CLUL1: variants seen among roughly 807,000 people sequenced by gnomAD.
CLUL1 encodes the protein clusterin like 1.
Under a neutral mutation model 49.4 loss-of-function variants are expected in CLUL1, and 43 were observed. The ratio of observed to expected loss-of-function variants is 0.87; its 90% confidence interval spans 0.68 to 1.12. The LOEUF is 1.12. Among genes scored for constraint, CLUL1 ranks in the 50% most tolerant of loss-of-function variants. CLUL1 has a pLI of 0.00. For synonymous variants in CLUL1, 192 were observed against 184.9 expected (o/e 1.04, Z -0.31); for missense variants, 486 against 544.4 (o/e 0.89, Z 1.07).
intron 9 of CLUL1, among the ~76,000 whole-genome samples, chr18:645,602 T>C (rs1020209958): frequency 4.6e-5 from 7 of 151,038 alleles, no homozygotes; most frequent in Admixed American, 1.3e-4. Context: ...GAGACCATCC[T>C]GGATAACACG....
rs1363248909 is a variant in CLUL1, at chr18:645,807, A to T, written c.1397+710A>T. Among the ~76,000 whole-genome samples, 4 of 69,164 alleles carry T rather than the reference A, an allele frequency of 5.8e-5. 1 individual carries two copies. In the South Asian group the frequency reaches 1.6e-3, roughly 28 times the overall value. 45.4% of individuals were successfully genotyped at this position (69,164 alleles called of 152,430 possible). ...AGACTCTGTTTAAAAAAAAAAAAAA[A>T]AAAATATATATATATATATATATAT... is the stretch of plus-strand genomic sequence containing the variant. On this transcript the variant is annotated intron_variant, in intron 9 of 9. Coordinates refer to ENST00000692774, the MANE Select transcript of CLUL1 (RefSeq NM_001393344.1).
chr18:616,500 C>T (rs2073296268), intron 2 of CLUL1, among the ~76,000 whole-genome samples: 1 of 152,122 alleles, frequency 6.6e-6, no homozygotes, highest in African/African-American at 2.4e-5. Context: ...TATCAAAACA[C>T]ATTTGTATAT....
chr18:598,346 G>A (rs1361897477), intron 1 of CLUL1: 2 of 389,380 alleles, frequency 5.1e-6, no homozygotes, highest in Non-Finnish European at 9.1e-6. Context: ...GTTTTTCCAG[G>A]TCCCTCAAAC....
At chr18:633,184 C>T in intron 6 of CLUL1, 114 bp from the exon 7 acceptor site, 2 of 771,466 alleles carry the variant, frequency 2.6e-6, no homozygotes, top group Non-Finnish European at 4.1e-6. Flanking sequence ...TACATACATA[C>T]ATATAGGAAA....
chr18:609,220 G>A (rs2073064154), intron 2 of CLUL1, among the ~76,000 whole-genome samples: 2 of 152,178 alleles, frequency 1.3e-5, no homozygotes, highest in South Asian at 2.1e-4. Flanking sequence ...CCATCAGGAA[G>A]CAAGGTGTCC....
chr18:612,053 C>T (rs2073150096), intron 2 of CLUL1, among the ~76,000 whole-genome samples: 2 of 152,196 alleles, frequency 1.3e-5, no homozygotes, highest in Admixed American at 6.5e-5. Flanking sequence ...TTCCAAATCT[C>T]ACCACTTCTC....
chr18:640,863 T>A (rs1045734294), intron 7 of CLUL1, among the ~76,000 whole-genome samples: 1 of 152,188 alleles, frequency 6.6e-6, no homozygotes, highest in African/African-American at 2.4e-5. Context: ...CACTATTTAC[T>A]ATACACTTTT....
intron 2 of CLUL1, among the ~76,000 whole-genome samples, chr18:614,334 G>GGGAAGGAAGGAAGGAAGGAAAGAA (rs55742414): frequency 2.1e-5 from 3 of 145,958 alleles, no homozygotes; most frequent in Non-Finnish European, 4.5e-5. Context: ...AAGGAAGGGA[G>GGGAAGGAAGGAAGGAAGGAAAGAA]GGAAGGAAGG....
At chr18:625,517 TAA>T (rs1491411337) in intron 5 of CLUL1, among the ~76,000 whole-genome samples, 1 of 73,336 alleles carries the variant, frequency 1.4e-5, no homozygotes, top group African/African-American at 5.1e-5. Flanking sequence ...TCCTTATGCA[TAA>T]CACACACACA....
At chr18:608,001 C>G (rs1411891392) in intron 2 of CLUL1, among the ~76,000 whole-genome samples, 1 of 152,158 alleles carries the variant, frequency 6.6e-6, no homozygotes, top group African/African-American at 2.4e-5. Context: ...GAGCAGTCAT[C>G]AGTTGCACAG....
chr18:616,711 G>A (rs2073303173), intron 2 of CLUL1: 1 of 983,888 alleles, frequency 1.0e-6, no homozygotes, highest in Non-Finnish European at 1.2e-6. Flanking sequence ...GAAAAACGAA[G>A]GTCCTTCCAG....
chr18:625,152 C>A, intron 5 of CLUL1, 120 bp downstream of exon 5: 1 of 980,288 alleles, frequency 1.0e-6, no homozygotes, highest in Non-Finnish European at 1.5e-6. Context: ...GGGCCTTTTG[C>A]TTTCTAGAAT....
At chr18:623,623 C>T (rs1307403003) in intron 4 of CLUL1, among the ~76,000 whole-genome samples, 3 of 121,332 alleles carry the variant, frequency 2.5e-5, no homozygotes, top group Non-Finnish European at 4.8e-5. Context: ...CCAGCCTGGG[C>T]GACACAGCCA....
At chr18:637,177 G>A (rs995159792) in intron 7 of CLUL1, among the ~76,000 whole-genome samples, 6 of 151,630 alleles carry the variant, frequency 4.0e-5, no homozygotes, top group African/African-American at 9.7e-5. Flanking sequence ...TAGTAGAGAC[G>A]GGGTTTCACC....
Position 624,918 on chromosome 18 carries a change from G to T in CLUL1, c.309G>T (p.Arg103Ser), listed in dbSNP as rs768530534. Residue 103 changes from arginine (R) to serine (S), a missense_variant, in exon 5 of 10, where the codon AGG (arginine) becomes AGT (serine). Coordinates refer to ENST00000692774, the MANE Select transcript of CLUL1 (RefSeq NM_001393344.1). ...EVQEHLEEEERLCRESLADSW... is the reference protein window; with the variant it reads ...EVQEHLEEEESLCRESLADSW... ...AAGAACATCTGGAGGAAGAAGAAAGGCTATGCCGGGAGTCTTTGGCAGATT... is the reference window on the plus strand; with the variant it reads ...AAGAACATCTGGAGGAAGAAGAAAGTCTATGCCGGGAGTCTTTGGCAGATT... The T allele has an allele frequency of 2.5e-6, 4 of 1,614,134 alleles. No individual in the cohort carries two copies. Among genetic ancestry groups the T allele is most frequent in the Admixed American group, 3.3e-5 (2 of 60,022 alleles).
Position 597,006 on chromosome 18 carries a change from G to A in CLUL1, c.-259G>A, listed in dbSNP as rs932761057. On this transcript the variant is annotated 5_prime_UTR_variant, in exon 1 of 10. Coordinates refer to ENST00000692774, the MANE Select transcript of CLUL1 (RefSeq NM_001393344.1). ...CCCGCCCACCCTGCGTCACCTGCAG[G>A]CCCGGGCCGCGGGGTTGGTTTCCAC... 1.3e-5 allele frequency: 2 copies of A among 152,458 alleles called. No individual in the cohort carries two copies. Among genetic ancestry groups the A allele is most frequent in the Non-Finnish European group, 2.9e-5 (2 of 68,082 alleles). 9.4% of individuals were successfully genotyped at this position (152,458 alleles called of 1,614,324 possible). A position where few individuals can be genotyped will look rare whatever the true frequency, so the allele number is the denominator to read the frequency against.
intron 1 of CLUL1, among the ~76,000 whole-genome samples, chr18:599,442 G>A (rs1350619810): frequency 6.6e-6 from 1 of 152,188 alleles, no homozygotes; most frequent in East Asian, 1.9e-4. Flanking sequence ...GACAGTAGAA[G>A]ATGCTTAATA....
intron 1 of CLUL1, among the ~76,000 whole-genome samples, chr18:599,595 ATTT>A (rs1358328939): frequency 6.6e-6 from 1 of 152,128 alleles, no homozygotes; most frequent in East Asian, 1.9e-4. Context: ...CACCAGATTT[ATTT>A]TTATTACCCA....
At chr18:644,440 A>G (rs1183124812) in intron 8 of CLUL1, among the ~76,000 whole-genome samples, 1 of 152,246 alleles carries the variant, frequency 6.6e-6, no homozygotes, top group Non-Finnish European at 1.5e-5. Flanking sequence ...GTGCAATGCA[A>G]TAAAGTTTGT....
Sources: gnomAD v4.1 joint callset for allele counts (sites outside exome capture counted in the v4.1 genomes callset) on GRCh38, gnomAD v4.1.1 for gene constraint, MANE v1.5 for transcripts, NCBI Gene and HGNC (gene_info 2026-07-23, HGNC 2026-07-21) for gene names.